MSI2: variants seen among roughly 807,000 people sequenced by gnomAD.
MSI2 encodes the protein RNA-binding protein Musashi homolog 2.
A neutral mutation model predicts 45.6 loss-of-function variants in MSI2; 17 were observed. The ratio of observed to expected loss-of-function variants is 0.37; its 90% CI spans 0.26 to 0.56. The LOEUF (loss-of-function observed/expected upper bound fraction) is 0.56, where lower values mean the gene tolerates loss of function less well. Ranked by LOEUF, MSI2 falls within the 20% of genes least tolerant of loss-of-function variation. The pLI, the probability that MSI2 is intolerant of heterozygous loss-of-function variation, is 0.77. For missense variants in MSI2, 293 were observed against 444.2 expected, an observed-to-expected ratio of 0.66 and a Z score of 3.06; for synonymous variants, 156 against 158.2, an observed-to-expected ratio of 0.99 and a Z score of 0.11.
chr17:57,417,358 A>G (rs1004718194), intron 6 of MSI2, among the ~76,000 whole-genome samples: 1 of 152,236 alleles, frequency 6.6e-6, no homozygotes, highest in East Asian at 1.9e-4. Flanking sequence ...CCACATGGAG[A>G]GGGCTCACTT....
intron 11 of MSI2, among the ~76,000 whole-genome samples, chr17:57,666,891 G>C (rs1329594480): frequency 1.3e-5 from 2 of 152,220 alleles, no homozygotes. Context: ...GACAGAGGCA[G>C]TCAATGGATC....
chr17:57,663,277 GT>G (rs1912130184), intron 11 of MSI2, among the ~76,000 whole-genome samples: 1 of 152,200 alleles, frequency 6.6e-6, no homozygotes, highest in African/African-American at 2.4e-5. Flanking sequence ...GGCCTCATTT[GT>G]TTTGTAGATG....
At chr17:57,402,502 T>C (rs1311015754) in intron 6 of MSI2, among the ~76,000 whole-genome samples, 3 of 152,188 alleles carry the variant, frequency 2.0e-5, no homozygotes, top group East Asian at 1.9e-4. Flanking sequence ...CCTCCCACGA[T>C]GGGTGTCGTG....
chr17:57,668,118 G>A (rs1179085443), intron 11 of MSI2, among the ~76,000 whole-genome samples: 2 of 152,162 alleles, frequency 1.3e-5, no homozygotes, highest in Admixed American at 6.5e-5. Flanking sequence ...AAAACCACTT[G>A]AACCCAGGAG....
chr17:57,413,943 A>G (rs899527553), intron 6 of MSI2, among the ~76,000 whole-genome samples: 1 of 151,960 alleles, frequency 6.6e-6, no homozygotes, highest in Admixed American at 6.6e-5. Context: ...GCAGACCTTG[A>G]TTACCTTGAA....
intron 7 of MSI2, among the ~76,000 whole-genome samples, chr17:57,574,987 C>A (rs1424179964): frequency 6.6e-6 from 1 of 152,084 alleles, no homozygotes; most frequent in South Asian, 2.1e-4. Flanking sequence ...CCCACCACCA[C>A]GCCCGGCTAA....
intron 10 of MSI2, among the ~76,000 whole-genome samples, chr17:57,634,093 T>G (rs1217619585): frequency 6.6e-6 from 1 of 152,234 alleles, no homozygotes; most frequent in Non-Finnish European, 1.5e-5. Flanking sequence ...CTCCTTCAGA[T>G]GCTTTTGGGC....
chr17:57,427,017 G>T (rs16958365), intron 6 of MSI2, among the ~76,000 whole-genome samples: 5,365 of 152,326 alleles, frequency 0.035, 111 homozygotes, highest in Middle Eastern at 0.085. Flanking sequence ...TGAAGCCGGG[G>T]TGCCCCCACG....
chr17:57,294,393 AG>A (rs1242392251), intron 5 of MSI2, among the ~76,000 whole-genome samples: 1 of 152,144 alleles, frequency 6.6e-6, no homozygotes, highest in Non-Finnish European at 1.5e-5. Context: ...ATGTGGCAAA[AG>A]CTGGCGTGGC....
At chr17:57,636,432 GA>G (rs1174702513) in intron 10 of MSI2, among the ~76,000 whole-genome samples, 2 of 152,152 alleles carry the variant, frequency 1.3e-5, no homozygotes, top group African/African-American at 4.8e-5. Context: ...AGCAACTTCA[GA>G]GCCCTTCCAT....
At chr17:57,275,659 C>T (rs542878382) in intron 5 of MSI2, among the ~76,000 whole-genome samples, 2 of 152,114 alleles carry the variant, frequency 1.3e-5, no homozygotes, top group Non-Finnish European at 2.9e-5. Context: ...TTGCTGGGAA[C>T]GGGGAACAAG....
At chr17:57,653,156 G>A (rs533789353) in intron 11 of MSI2, among the ~76,000 whole-genome samples, 2 of 152,326 alleles carry the variant, frequency 1.3e-5, no homozygotes, top group East Asian at 1.9e-4. Flanking sequence ...TAAAAGCCCA[G>A]AGGGCAAATG....
chr17:57,624,439 C>T (rs1462445851), intron 9 of MSI2, among the ~76,000 whole-genome samples: 5 of 152,158 alleles, frequency 3.3e-5, no homozygotes, highest in South Asian at 2.1e-4. Flanking sequence ...GAAATAAATA[C>T]GAAGGAAGGC....
intron 12 of MSI2, 130 bp from the exon 13 acceptor site, chr17:57,676,857 G>A (rs539443124): frequency 1.6e-5 from 12 of 730,962 alleles, no homozygotes; most frequent in South Asian, 7.7e-5. Context: ...CTCATGGCAC[G>A]GTGTCTCAGA....
intron 6 of MSI2, among the ~76,000 whole-genome samples, chr17:57,414,842 G>A (rs1024434845): frequency 6.6e-6 from 1 of 152,134 alleles, no homozygotes; most frequent in Non-Finnish European, 1.5e-5. Context: ...TAGAACTAAG[G>A]GAATATCTGG....
chr17:57,475,496 T>C (rs1427512480), intron 6 of MSI2, among the ~76,000 whole-genome samples: 1 of 152,212 alleles, frequency 6.6e-6, no homozygotes, highest in Admixed American at 6.5e-5. Context: ...CCTCTTGCTT[T>C]ATCTGAGGGT....
chr17:57,616,341 GA>G (rs2144561922), intron 9 of MSI2: 2 of 322,326 alleles, frequency 6.2e-6, no homozygotes, highest in African/African-American at 4.3e-5. Context: ...TGGCTTATAG[GA>G]TATGTTAGAC....
intron 6 of MSI2, among the ~76,000 whole-genome samples, chr17:57,516,361 A>G (rs2086469427): frequency 6.6e-6 from 1 of 152,204 alleles, no homozygotes; most frequent in Non-Finnish European, 1.5e-5. Flanking sequence ...GTTGTGCACC[A>G]GTTGTGTACC....
At chr17:57,506,594 T>G (rs1230153852) in intron 6 of MSI2, among the ~76,000 whole-genome samples, 2 of 152,168 alleles carry the variant, frequency 1.3e-5, no homozygotes, top group Admixed American at 1.3e-4. Context: ...TTGGCAGGTC[T>G]TCCCCTGGCC....
Sources: allele counts gnomAD v4.1 joint callset (sites outside exome capture counted in the v4.1 genomes callset), GRCh38; gene constraint gnomAD v4.1.1; transcripts MANE v1.5; gene names NCBI Gene and HGNC (gene_info 2026-07-23, HGNC 2026-07-21).